The following PKP1 variants were observed in gnomAD, a reference collection of about 807,000 sequenced individuals.
PKP1 encodes plakophilin 1.
Under a neutral mutation model 76.4 loss-of-function variants are expected in PKP1, and 27 were observed. The ratio of observed to expected loss-of-function variants is 0.35; its 90% CI spans 0.26 to 0.49. The LOEUF is 0.49. Ranked by LOEUF, PKP1 falls within the 20% of genes least tolerant of loss-of-function variation. PKP1 has a pLI of 0.99. For synonymous variants in PKP1, 404 were observed against 384.2 expected (o/e 1.05, Z -0.60); for missense variants, 964 against 955.2 (o/e 1.01, Z -0.12).
rs1489438047 is a variant in PKP1, at chr1:201,330,606, ACCAGTGGTCT to A, written c.*570_*579del. On this transcript the variant is annotated 3_prime_UTR_variant, in exon 14 of 14. Transcript: ENST00000367324. The stretch of plus-strand genomic sequence containing the variant: ...CTCAGAGGAGTCCTGCAGGCTTCCT[ACCAGTGGTCT>A]CCAGGGGTGCAGGAGTAACTGGGGC... 1 of 152,204 alleles carries A rather than the reference ACCAGTGGTCT, an allele frequency of 6.6e-6. No homozygotes were observed. The highest frequency in any genetic ancestry group is 2.4e-5 in the African/African-American group (1 of 41,454). 9.4% of individuals were successfully genotyped at this position (152,204 alleles called of 1,614,324 possible).
At chr1:201,305,178 C>G (rs1242467843) in intron 2 of PKP1, among the ~76,000 whole-genome samples, 1 of 152,178 alleles carries the variant, frequency 6.6e-6, no homozygotes, top group African/African-American at 2.4e-5. Context: ...ATCTCTTACC[C>G]AAGCACTGAA....
intron 8 of PKP1, 150 bp from the exon 9 acceptor site, chr1:201,322,863 G>A: frequency 1.3e-6 from 1 of 758,348 alleles, no homozygotes; most frequent in East Asian, 2.5e-5. Flanking sequence ...CAGCGGGGCT[G>A]TCCTGGGCCC....
chr1:201,302,334 G>A (rs757894326), intron 2 of PKP1, among the ~76,000 whole-genome samples: 15 of 152,130 alleles, frequency 9.9e-5, no homozygotes, highest in Non-Finnish European at 1.6e-4. Context: ...GACTTTGAGC[G>A]GGGTGTGAAG....
rs751817941 is a variant in PKP1, at chr1:201,322,021, G to A, written c.1391G>A (p.Arg464His). The change falls in exon 8 of 14, where the codon CGC (arginine) becomes CAC (histidine). Residue 464 changes from arginine to histidine, a missense_variant. By Grantham distance (29) the Arg-to-His change is conservative. Coordinates refer to ENST00000367324, the MANE Select transcript of PKP1 (RefSeq NM_001005337.3). ...CMCVLHNLSY[R>H]LDAEVPTRYR... ...TGTGTTCTGCACAACCTCTCCTACC[G>A]CCTGGACGCCGAGGTGCCCACCCGC... 3.2e-5 allele frequency: 52 copies of A among 1,613,760 alleles called. No individual in the cohort carries two copies. The highest frequency in any genetic ancestry group is 3.8e-5 in the Non-Finnish European group (45 of 1,180,008).
chr1:201,312,691 G>A (rs892340521), intron 2 of PKP1, among the ~76,000 whole-genome samples: 6 of 152,184 alleles, frequency 3.9e-5, no homozygotes, highest in Non-Finnish European at 5.9e-5. Context: ...ATTTAGACCC[G>A]TTCTGTGTCT....
In PKP1 at chr1:201,325,057, C is replaced by A. The variant is rs1558196480; in HGVS notation, c.1951C>A (p.Gln651Lys). ...CYTVRNLMAS[Q>K]PQLAKQYFSS... ...CACTGTGAGGAACCTGATGGCCTCGCAGCCACAACTGGCCAAGCAGTACTT... is the reference window on the plus strand; with the variant it reads ...CACTGTGAGGAACCTGATGGCCTCGAAGCCACAACTGGCCAAGCAGTACTT... The change falls in exon 11 of 14, where the codon CAG becomes AAG. Residue 651 changes from glutamine to lysine, a missense_variant. Transcript: ENST00000367324. 2 of 1,614,048 alleles carry A rather than the reference C, an allele frequency of 1.2e-6. No homozygotes were observed. The highest frequency in any genetic ancestry group is 1.7e-6 in the Non-Finnish European group (2 of 1,180,026).
At position 201,313,487 on chromosome 1, in the gene PKP1, C is replaced by G. The variant is rs1656630926; in HGVS notation, c.628C>G (p.Gln210Glu). 6 of 1,613,850 alleles carry G rather than the reference C, an allele frequency of 3.7e-6. No homozygotes were observed. Among genetic ancestry groups the G allele is most frequent in the Non-Finnish European group, 5.1e-6 (6 of 1,179,936 alleles). The change falls in exon 3 of 14, where the codon CAG becomes GAG. Residue 210 changes from glutamine (Q) to glutamate (E), a missense_variant. By Grantham distance (29) the Gln-to-Glu change is conservative (BLOSUM62 2). Transcript: ENST00000367324. ...PVRPPSCASK[Q>E]DPVYIPPISC... Reference sequence around the variant, plus strand: ...GCGCCCGCCCTCTTGTGCCTCCAAGCAGGACCCTGTGTATATCCCGCCCAT... The same window carrying G: ...GCGCCCGCCCTCTTGTGCCTCCAAGGAGGACCCTGTGTATATCCCGCCCAT...
At chr1:201,316,731 C>T (rs1445665360) in intron 4 of PKP1, 34 bp downstream of exon 4, 2 of 1,611,874 alleles carry the variant, frequency 1.2e-6, no homozygotes, top group East Asian at 4.5e-5. Flanking sequence ...CTTGGTGGGC[C>T]TGCGGAGGGC....
At chr1:201,321,401 GAGCCC>G (rs1426085267) in intron 7 of PKP1, among the ~76,000 whole-genome samples, 1 of 152,128 alleles carries the variant, frequency 6.6e-6, no homozygotes, top group African/African-American at 2.4e-5. Context: ...ACAAAGATCT[GAGCCC>G]AGCTGCCATG....
chr1:201,313,539 G>A lies in PKP1; in HGVS notation c.680G>A (p.Gly227Asp). The change falls in exon 3 of 14, where the codon GGC (glycine) becomes GAC (aspartate). Residue 227 changes from glycine (G) to aspartate (D), a missense_variant. Transcript: ENST00000367324. Reference sequence around the variant, plus strand: ...TCCTGCAACAAGGACCTGTCCTTTGGCCACTCTAGGGCCAGCTCCAAGTGA... The same window carrying A: ...TCCTGCAACAAGGACCTGTCCTTTGACCACTCTAGGGCCAGCTCCAAGTGA... Reference protein sequence around the residue: ...PISCNKDLSFGHSRASSKICS... With the variant: ...PISCNKDLSFDHSRASSKICS... The A allele has an allele frequency of 6.2e-7, 1 of 1,613,750 alleles. No individual in the cohort carries two copies. The highest frequency in any genetic ancestry group is 8.5e-7 in the Non-Finnish European group (1 of 1,179,820).
intron 8 of PKP1, among the ~76,000 whole-genome samples, 171 bp from the exon 9 acceptor site, chr1:201,322,842 G>A (rs1656989256): frequency 6.6e-6 from 1 of 152,204 alleles, no homozygotes; most frequent in African/African-American, 2.4e-5. Context: ...AGTGCATAGA[G>A]GAAAGGGGTG....
intron 4 of PKP1, 98 bp downstream of exon 4, chr1:201,316,795 T>C (rs1049503610): frequency 1.1e-5 from 14 of 1,331,548 alleles, no homozygotes; most frequent in South Asian, 6.2e-5. Context: ...CATCTGCAGT[T>C]GGCTTCTCTT....
chr1:201,301,467 G>T (rs1656228569), intron 2 of PKP1, among the ~76,000 whole-genome samples: 1 of 134,470 alleles, frequency 7.4e-6, no homozygotes, highest in South Asian at 2.4e-4. Flanking sequence ...CTGAGTTGAT[G>T]GCTAGGCTGG....
chr1:201,298,560 T>C (rs1656135615), intron 2 of PKP1, among the ~76,000 whole-genome samples: 1 of 152,188 alleles, frequency 6.6e-6, no homozygotes, highest in Non-Finnish European at 1.5e-5. Context: ...GGAAAACCAC[T>C]GAGGCATCAT....
chr1:201,310,303 C>T (rs958609080), intron 2 of PKP1, among the ~76,000 whole-genome samples: 6 of 152,328 alleles, frequency 3.9e-5, no homozygotes, highest in Non-Finnish European at 7.3e-5. Flanking sequence ...ATGTTGGCTA[C>T]AATTATACTA....
intron 2 of PKP1, among the ~76,000 whole-genome samples, chr1:201,298,100 G>A (rs148936192): frequency 3.8e-4 from 58 of 152,136 alleles, no homozygotes; most frequent in Middle Eastern, 6.8e-3. Flanking sequence ...ACTCCTTTAC[G>A]TGCTCCTCTC....
chr1:201,331,074 C>T lies in PKP1; in HGVS notation c.*1033C>T, dbSNP rs1311265211. 6.6e-6 allele frequency: 1 copy of T among 152,230 alleles called. No individual in the cohort carries two copies. The highest frequency in any genetic ancestry group is 1.5e-5 in the Non-Finnish European group (1 of 68,050). 9.4% of individuals were successfully genotyped at this position (152,230 alleles called of 1,614,324 possible). A position where few individuals can be genotyped will look rare whatever the true frequency, so the allele number is the denominator to read the frequency against. Reference sequence around the variant, plus strand: ...GGAACAAGTGGGGCTGGGCATATACCTATTCCGGCTTCTAGTGGGATGGAG... The same window carrying T: ...GGAACAAGTGGGGCTGGGCATATACTTATTCCGGCTTCTAGTGGGATGGAG... On this transcript the variant is annotated 3_prime_UTR_variant, in exon 14 of 14. Coordinates refer to ENST00000367324, the MANE Select transcript of PKP1 (RefSeq NM_001005337.3).
intron 6 of PKP1, chr1:201,320,046 C>T (rs1363040823): frequency 2.5e-5 from 19 of 752,628 alleles, no homozygotes; most frequent in Non-Finnish European, 4.0e-5. Flanking sequence ...TCTTTCCTTC[C>T]GTTTTCATCT....
In PKP1 at chr1:201,317,594, G is replaced by T. The variant is rs1386934403; in HGVS notation, c.869G>T (p.Cys290Phe). 1 of 1,613,928 alleles carries T rather than the reference G, an allele frequency of 6.2e-7. No individual in the cohort carries two copies. Among genetic ancestry groups the T allele is most frequent in the African/African-American group, 1.3e-5 (1 of 75,016 alleles). The change falls in exon 5 of 14, where the codon TGC becomes TTC. Residue 290 changes from cysteine to phenylalanine, a missense_variant. Physicochemically the swap from Cys to Phe is radical, Grantham distance 205. Transcript: ENST00000367324. ...KQQVYQLGGICKLVDLLRSPN... is the reference protein window; with the variant it reads ...KQQVYQLGGIFKLVDLLRSPN... ...CAGGTCTATCAGCTGGGAGGCATCT[G>T]CAAGCTGGTGGACCTCCTCCGCAGC...
Sources: allele counts gnomAD v4.1 joint callset (sites outside exome capture counted in the v4.1 genomes callset), GRCh38; gene constraint gnomAD v4.1.1; transcripts MANE v1.5; gene names NCBI Gene and HGNC (gene_info 2026-07-23, HGNC 2026-07-21).